The following MGMT variants were observed in gnomAD, a reference collection of about 807,000 sequenced individuals.
MGMT encodes the protein O-6-methylguanine-DNA methyltransferase.
A neutral mutation model predicts 15.9 loss-of-function variants in MGMT; 14 were observed. That is an observed-to-expected ratio of 0.88 (90% CI 0.58 to 1.37). The LOEUF (loss-of-function observed/expected upper bound fraction) is 1.37. Among genes scored for constraint, MGMT ranks in the 40% most tolerant of loss-of-function variants. The pLI is 0.00. For missense variants in MGMT, 282 were observed against 268.1 expected (o/e 1.05, Z -0.36); for synonymous variants, 130 against 118.2 (o/e 1.10, Z -0.65).
At chr10:129,597,746 G>C (rs1846767844) in intron 2 of MGMT, among the ~76,000 whole-genome samples, 1 of 152,204 alleles carries the variant, frequency 6.6e-6, no homozygotes, top group Non-Finnish European at 1.5e-5. Flanking sequence ...GAAATAAAGA[G>C]ACTATTGAGT....
intron 1 of MGMT, among the ~76,000 whole-genome samples, chr10:129,513,848 T>C (rs1395435915): frequency 6.6e-6 from 1 of 152,202 alleles, no homozygotes; most frequent in Non-Finnish European, 1.5e-5. Context: ...TTACAGTCAG[T>C]GTGCAGTAAG....
rs1382126333 is a variant in MGMT at position 129,768,446 on chromosome 10, C to T, written c.*1449C>T. On this transcript the variant is annotated 3_prime_UTR_variant, in exon 5 of 5. Coordinates refer to ENST00000651593, the MANE Select transcript of MGMT (RefSeq NM_002412.5). ...CCTGGGCCTCCTTGCTCCTGGCAGG[C>T]CTCAGGTGCCGCACGCCGCGTCACC... Among the ~76,000 whole-genome samples the T allele has an allele frequency of 6.6e-6, 1 of 152,230 alleles. No individual in the cohort carries two copies. The highest frequency in any genetic ancestry group is 2.4e-5 in the African/African-American group (1 of 41,468).
intron 1 of MGMT, among the ~76,000 whole-genome samples, chr10:129,475,565 A>G (rs1250961815): frequency 6.6e-6 from 1 of 152,204 alleles, no homozygotes; most frequent in African/African-American, 2.4e-5. Context: ...TTGTGCAGAA[A>G]AATTCGTTTC....
chr10:129,627,665 T>G (rs1448913912), intron 2 of MGMT, among the ~76,000 whole-genome samples: 1 of 152,190 alleles, frequency 6.6e-6, no homozygotes, highest in African/African-American at 2.4e-5. Context: ...ATAAACACCC[T>G]CATGTTAGCC....
intron 2 of MGMT, among the ~76,000 whole-genome samples, chr10:129,628,070 A>G (rs1438426794): frequency 6.6e-6 from 1 of 152,172 alleles, no homozygotes; most frequent in Non-Finnish European, 1.5e-5. Context: ...GAATTGTAAC[A>G]TTTTAGTCCT....
At chr10:129,690,915 T>C (rs1847962523) in intron 2 of MGMT, among the ~76,000 whole-genome samples, 1 of 152,094 alleles carries the variant, frequency 6.6e-6, no homozygotes, top group South Asian at 2.1e-4. Context: ...GTGAGCAGGA[T>C]GGTGACAACC....
intron 3 of MGMT, among the ~76,000 whole-genome samples, chr10:129,714,512 C>T (rs913374246): frequency 6.6e-6 from 1 of 152,078 alleles, no homozygotes; most frequent in African/African-American, 2.4e-5. Context: ...ATATCAGAAT[C>T]CTCTAGACAT....
At chr10:129,652,692 C>T (rs992919303) in intron 2 of MGMT, among the ~76,000 whole-genome samples, 1 of 152,056 alleles carries the variant, frequency 6.6e-6, no homozygotes, top group African/African-American at 2.4e-5. Context: ...CCCTGTCCTC[C>T]GCACGTCAGC....
intron 3 of MGMT, among the ~76,000 whole-genome samples, chr10:129,713,719 G>T (rs1184391812): frequency 6.6e-6 from 1 of 152,190 alleles, no homozygotes; most frequent in Non-Finnish European, 1.5e-5. Flanking sequence ...GTGAGCACTG[G>T]TGGGGATGGA....
intron 2 of MGMT, among the ~76,000 whole-genome samples, chr10:129,601,529 T>A (rs1459678599): frequency 3.3e-5 from 5 of 152,170 alleles, no homozygotes; most frequent in African/African-American, 1.2e-4. Flanking sequence ...CTGCAGGGGC[T>A]TCTGGCTTCC....
chr10:129,629,639 T>C (rs1847188775), intron 2 of MGMT, among the ~76,000 whole-genome samples: 1 of 152,200 alleles, frequency 6.6e-6, no homozygotes, highest in Non-Finnish European at 1.5e-5. Flanking sequence ...TCACTGAGAA[T>C]TAATCATTCT....
chr10:129,661,160 A>G (rs1156838287), intron 2 of MGMT, among the ~76,000 whole-genome samples: 1 of 152,076 alleles, frequency 6.6e-6, no homozygotes, highest in Non-Finnish European at 1.5e-5. Context: ...ATTATGGATT[A>G]CTGTAATTTA....
At chr10:129,711,767 T>C (rs1386538849) in intron 3 of MGMT, among the ~76,000 whole-genome samples, 2 of 152,200 alleles carry the variant, frequency 1.3e-5, no homozygotes, top group Non-Finnish European at 2.9e-5. Flanking sequence ...GAGGTAATTT[T>C]TTCCCATAAG....
chr10:129,562,142 G>C (rs537919459), intron 2 of MGMT, among the ~76,000 whole-genome samples: 8 of 152,174 alleles, frequency 5.3e-5, no homozygotes, highest in Non-Finnish European at 1.0e-4. Context: ...AGCAAGACTT[G>C]TTGTAAAAAA....
At chr10:129,512,104 G>C (rs996383407) in intron 1 of MGMT, among the ~76,000 whole-genome samples, 1 of 152,168 alleles carries the variant, frequency 6.6e-6, no homozygotes, top group Admixed American at 6.5e-5. Context: ...GAGATGGGGG[G>C]CGCAGAAAGA....
At chr10:129,504,391 CTT>C (rs543317331) in intron 1 of MGMT, among the ~76,000 whole-genome samples, 9 of 152,156 alleles carry the variant, frequency 5.9e-5, no homozygotes, top group Non-Finnish European at 1.3e-4. Context: ...TCTTAGAAAA[CTT>C]TGTGTAGAGA....
At chr10:129,519,643 T>C (rs1845782275) in intron 1 of MGMT, among the ~76,000 whole-genome samples, 1 of 152,162 alleles carries the variant, frequency 6.6e-6, no homozygotes, top group Non-Finnish European at 1.5e-5. Context: ...GCTCTTCCAT[T>C]CGGGACACTG....
intron 2 of MGMT, among the ~76,000 whole-genome samples, chr10:129,646,742 A>AT (rs1363807123): frequency 1.2e-5 from 1 of 83,244 alleles, no homozygotes; most frequent in Non-Finnish European, 2.7e-5. Flanking sequence ...ATATATATAT[A>AT]TATATATATA....
At chr10:129,622,101 A>G (rs1366241282) in intron 2 of MGMT, among the ~76,000 whole-genome samples, 2 of 152,222 alleles carry the variant, frequency 1.3e-5, no homozygotes, top group African/African-American at 4.8e-5. Context: ...TGGAGTGGAT[A>G]ACTGTTTCAC....
Sources: allele counts gnomAD v4.1 joint callset (sites outside exome capture counted in the v4.1 genomes callset), GRCh38; gene constraint gnomAD v4.1.1; transcripts MANE v1.5; gene names NCBI Gene and HGNC (gene_info 2026-07-23, HGNC 2026-07-21).